The following TXNDC12 variants were observed in gnomAD, a reference collection of about 807,000 sequenced individuals.
TXNDC12 encodes the protein thioredoxin domain-containing protein 12.
TXNDC12 carries 22 observed loss-of-function variants against 24.2 expected under a neutral mutation model. That is an observed-to-expected ratio of 0.91 (90% confidence interval 0.65 to 1.30). The LOEUF (loss-of-function observed/expected upper bound fraction) is 1.30. Among genes scored for constraint, TXNDC12 ranks in the 50% most tolerant of loss-of-function variants. TXNDC12 has a pLI of 0.00. For missense variants in TXNDC12, 184 were observed against 205.8 expected (o/e 0.89, Z 0.65); for synonymous variants, 58 against 73.4 (o/e 0.79, Z 1.07).
At chr1:52,047,514 A>G (rs972044757) in intron 1 of TXNDC12, among the ~76,000 whole-genome samples, 2 of 152,238 alleles carry the variant, frequency 1.3e-5, no homozygotes. Flanking sequence ...GATACAAAGA[A>G]TAGTGAGCAA....
chr1:52,048,114 G>A (rs1161123804), intron 1 of TXNDC12, among the ~76,000 whole-genome samples: 3 of 152,144 alleles, frequency 2.0e-5, no homozygotes, highest in African/African-American at 7.2e-5. Context: ...CAATTAAAGT[G>A]AAAAGACAAA....
rs1211597832 is a variant in TXNDC12, at chr1:52,022,415, TTC to T, written c.439+1074_439+1075del. Among the ~76,000 whole-genome samples the T allele has an allele frequency of 2.6e-5, 4 of 152,248 alleles. No individual in the cohort carries two copies. In the East Asian group the frequency reaches 5.8e-4, roughly 22 times the overall value. On this transcript the variant is annotated intron_variant, in intron 6 of 6. Transcript: ENST00000371626. ...CCTTCACTTGTTTGTGCTGGTGCTCTTCTCTCTCCTGGAACATGCTTTTCCCA... is the reference window on the plus strand; with the variant it reads ...CCTTCACTTGTTTGTGCTGGTGCTCTTCTCTCCTGGAACATGCTTTTCCCA...
intron 2 of TXNDC12, chr1:52,032,042 C>T (rs1391082069): frequency 1.4e-6 from 1 of 726,542 alleles, no homozygotes; most frequent in African/African-American, 1.9e-5. Flanking sequence ...AGAACAATGA[C>T]AAGTATACCT....
chr1:52,032,930 T>C, intron 2 of TXNDC12: 1 of 1,606,744 alleles, frequency 6.2e-7, no homozygotes, highest in Admixed American at 1.7e-5. Context: ...ACTTGACTCG[T>C]GACCTGGTCC....
intron 1 of TXNDC12, among the ~76,000 whole-genome samples, chr1:52,049,937 G>T (rs1331003782): frequency 3.3e-5 from 5 of 152,152 alleles, no homozygotes; most frequent in Admixed American, 3.3e-4. Flanking sequence ...TTTTATATGT[G>T]TTAACTTATT....
In TXNDC12 at chr1:52,028,575, T is replaced by TA; in HGVS notation, c.211+2dup. The TA allele has an allele frequency of 2.5e-6, 4 of 1,611,848 alleles. No individual in the cohort carries two copies. The highest frequency in any genetic ancestry group is 3.4e-6 in the Non-Finnish European group (4 of 1,179,088). On this transcript the variant is annotated splice_region_variant and intron_variant, in intron 3 of 6. Transcript: ENST00000371626. ...TGAATTTAGATTGAGCATTTGCACT[T>TA]ACCTTTGCAAGCTCCACACCAGGAT...
rs114581233 is a variant in TXNDC12, at chr1:52,048,899, T to C, written c.97+6101A>G. Among the ~76,000 whole-genome samples the C allele has an allele frequency of 4.3e-3, 656 of 152,136 alleles. 3 individuals are homozygous for C. Among genetic ancestry groups the C allele is most frequent in the African/African-American group, 0.015 (629 of 41,512 alleles). ...TTAATTAATTAAAATAAATTCTCCA[T>C]GTACCTAGGCCACTCAGAAGCTAGG... On this transcript the variant is annotated intron_variant, in intron 1 of 6. Coordinates refer to ENST00000371626, the MANE Select transcript of TXNDC12 (RefSeq NM_015913.4).
chr1:52,054,657 A>G (rs1422909730), intron 1 of TXNDC12, among the ~76,000 whole-genome samples: 5 of 152,122 alleles, frequency 3.3e-5, no homozygotes, highest in African/African-American at 9.7e-5. Context: ...CAGGTCCCCA[A>G]CGGCTCTATT....
intron 2 of TXNDC12, chr1:52,032,870 G>T (rs1685792981): frequency 6.2e-7 from 1 of 1,614,190 alleles, no homozygotes; most frequent in Non-Finnish European, 8.5e-7. Flanking sequence ...GGAAGCGTGA[G>T]CAAGTCCCCG....
intron 1 of TXNDC12, among the ~76,000 whole-genome samples, chr1:52,047,544 G>A (rs970217792): frequency 3.9e-5 from 6 of 152,118 alleles, no homozygotes; most frequent in Admixed American, 2.0e-4. Context: ...CAAACATGTA[G>A]ATAAATATGT....
At chr1:52,031,155 CCTAT>C (rs1238609887) in intron 2 of TXNDC12, among the ~76,000 whole-genome samples, 87 of 150,550 alleles carry the variant, frequency 5.8e-4, no homozygotes, top group African/African-American at 2.0e-3. Context: ...CCCATTTCAT[CCTAT>C]CTTTTTTTTT....
At chr1:52,022,640 T>G (rs1685615132) in intron 6 of TXNDC12, among the ~76,000 whole-genome samples, 1 of 144,204 alleles carries the variant, frequency 6.9e-6, no homozygotes, top group Admixed American at 6.9e-5. Flanking sequence ...TTTTGGTTTT[T>G]TTTTTTTTTT....
At chr1:52,025,144 C>G (rs890606982) in intron 4 of TXNDC12, among the ~76,000 whole-genome samples, 2 of 152,114 alleles carry the variant, frequency 1.3e-5, no homozygotes, top group Non-Finnish European at 2.9e-5. Flanking sequence ...GTGCATGAAT[C>G]AATAAGACTG....
intron 2 of TXNDC12, among the ~76,000 whole-genome samples, chr1:52,035,597 C>T (rs1371442220): frequency 6.6e-6 from 1 of 152,002 alleles, no homozygotes; most frequent in Non-Finnish European, 1.5e-5. Flanking sequence ...CCTGTAATCC[C>T]ATTACTGAGG....
intron 1 of TXNDC12, among the ~76,000 whole-genome samples, chr1:52,047,077 T>C (rs2124390261): frequency 6.6e-6 from 1 of 151,782 alleles, no homozygotes; most frequent in Admixed American, 6.6e-5. Context: ...CAGGGACAAC[T>C]GAAAGCTGAT....
intron 4 of TXNDC12, 69 bp from the exon 5 acceptor site, chr1:52,024,648 T>TC: frequency 7.8e-7 from 1 of 1,282,766 alleles, no homozygotes; most frequent in Non-Finnish European, 1.1e-6. Context: ...TTCAGTGGCT[T>TC]CCCCACTTGT....
chr1:52,023,590 T>A lies in TXNDC12; in HGVS notation c.356-16A>T. The A allele has an allele frequency of 1.2e-6, 2 of 1,601,736 alleles. No individual in the cohort carries two copies. The highest frequency in any genetic ancestry group is 1.7e-6 in the Non-Finnish European group (2 of 1,169,170). On this transcript the variant is annotated splice_polypyrimidine_tract_variant and intron_variant, in intron 5 of 6. Coordinates refer to ENST00000371626, the MANE Select transcript of TXNDC12 (RefSeq NM_015913.4). ...CCACTGGGATCTGTTATAGACAAAA[T>A]GACACAGAGTTTTGCAGTAATTACA...
At chr1:52,046,874 T>A (rs866181468) in intron 1 of TXNDC12, among the ~76,000 whole-genome samples, 4,593 of 138,170 alleles carry the variant, frequency 0.033, 102 homozygotes, top group Non-Finnish European at 0.04. Context: ...AAAATATATA[T>A]ATATATATAT....
At chr1:52,032,318 T>C (rs758556296) in intron 2 of TXNDC12, 104 of 1,012,440 alleles carry the variant, frequency 1.0e-4, no homozygotes, top group Non-Finnish European at 1.1e-4. Context: ...CCATCTTCAG[T>C]TTCTGTTCAC....
Sources: allele counts gnomAD v4.1 joint callset (sites outside exome capture counted in the v4.1 genomes callset), GRCh38; gene constraint gnomAD v4.1.1; transcripts MANE v1.5; gene names NCBI Gene and HGNC (gene_info 2026-07-23, HGNC 2026-07-21).